Variants in MICAL3 observed in about 807,000 individuals in gnomAD.
The protein encoded by MICAL3 is microtubule associated monooxygenase, calponin and LIM domain containing 3, also known as [F-actin]-monooxygenase MICAL3.
MICAL3 carries 62 observed loss-of-function variants against 207.4 expected under a neutral mutation model. That is an observed-to-expected ratio of 0.30 (90% CI 0.24 to 0.37). The LOEUF is 0.37. Ranked by LOEUF, MICAL3 falls within the 10% of genes least tolerant of loss-of-function variation. The pLI, the probability that MICAL3 is intolerant of heterozygous loss-of-function variation, is 1.00. For missense variants in MICAL3, 2,368 were observed against 2,635.6 expected (o/e 0.90, Z 2.22); for synonymous variants, 1,077 against 1,069.3 (o/e 1.01, Z -0.14).
At chr22:17,947,949 T>C (rs904067808) in intron 1 of MICAL3, among the ~76,000 whole-genome samples, 7 of 151,900 alleles carry the variant, frequency 4.6e-5, no homozygotes, top group African/African-American at 1.7e-4. Flanking sequence ...CAGACAGACA[T>C]TATGTGTTTA....
rs371056361 is a variant in MICAL3, at chr22:17,818,389, G to T, written c.4272C>A (p.Ser1424Arg). ...TCCCGTGCAGGCCCAGGCCAGAGCT[G>T]CTGGACAGCTCCCTGCGCTCCTCCT... ...SAQEERRELS[S>R]SSGLGLHGSS... is the part of the protein sequence containing the mutation. Residue 1424 changes from serine (S) to arginine (R), a missense_variant, in exon 26 of 32, where the codon AGC becomes AGA. Physicochemically the swap from Ser to Arg is moderately radical, Grantham distance 110. Around this residue, in one of 4 missense-constraint regions of MICAL3, gnomAD observed 1,770 missense variants for 1,863.2 expected, o/e 0.95. Transcript: ENST00000441493. 4 of 1,609,794 alleles carry T rather than the reference G, an allele frequency of 2.5e-6. No homozygotes were observed. Among genetic ancestry groups the T allele is most frequent in the Non-Finnish European group, 2.5e-6 (3 of 1,179,468 alleles).
intron 21 of MICAL3, among the ~76,000 whole-genome samples, chr22:17,830,788 C>T (rs548950494): frequency 2.0e-5 from 3 of 152,210 alleles, no homozygotes; most frequent in African/African-American, 7.2e-5. Context: ...CCTTAGGGAG[C>T]CCGAGGAAGT....
Position 17,893,900 on chromosome 22 carries a change from C to A in MICAL3, c.1454G>T (p.Arg485Leu), listed in dbSNP as rs540846722. The A allele has an allele frequency of 1.3e-6, 2 of 1,552,874 alleles. No individual in the cohort carries two copies. The highest frequency in any genetic ancestry group is 1.7e-6 in the Non-Finnish European group (2 of 1,146,570). The change falls in exon 11 of 32, where the codon CGC becomes CTC. Residue 485 changes from arginine to leucine, a missense_variant. Arg to Leu is a moderately radical substitution (Grantham distance 102). This residue lies in a region of MICAL3 where 147 missense variants were observed against 137.7 expected (regional missense o/e 1.07). Transcript: ENST00000441493. Reference protein sequence around the residue: ...NVNFLRPSQVRHLYDTGETKD... With the variant: ...NVNFLRPSQVLHLYDTGETKD... Reference sequence around the variant, plus strand: ...TGTTTCGCCAGTATCATATAAATGGCGCACCTGGCAGAAATTTACAAAGTC... The same window carrying A: ...TGTTTCGCCAGTATCATATAAATGGAGCACCTGGCAGAAATTTACAAAGTC...
chr22:17,791,613 C>T (rs760003840), intron 29 of MICAL3: 51 of 386,172 alleles, frequency 1.3e-4, no homozygotes, highest in Non-Finnish European at 2.1e-4. Context: ...CATTGCTTTC[C>T]CTCTTTTTTG....
chr22:17,810,592 C>T (rs939923171), intron 28 of MICAL3, 111 bp downstream of exon 28: 1 of 854,314 alleles, frequency 1.2e-6, no homozygotes, highest in African/African-American at 1.7e-5. Flanking sequence ...GCCCGTCTAC[C>T]TCTGCTCTGC....
chr22:17,914,869 T>C (rs1483332856), intron 1 of MICAL3, among the ~76,000 whole-genome samples: 2 of 152,230 alleles, frequency 1.3e-5, no homozygotes, highest in Non-Finnish European at 2.9e-5. Context: ...GCAACGCCTA[T>C]GAGGAGTCAA....
intron 1 of MICAL3, among the ~76,000 whole-genome samples, chr22:17,961,534 C>T (rs536316705): frequency 3.7e-4 from 57 of 152,240 alleles, no homozygotes; most frequent in African/African-American, 1.3e-3. Flanking sequence ...CGAAGGGGCA[C>T]ATAGTCTCAC....
intron 17 of MICAL3, 113 bp from the exon 18 acceptor site, chr22:17,866,125 A>G: frequency 1.3e-6 from 1 of 770,836 alleles, no homozygotes. Context: ...AAGGCCATCA[A>G]GCCACCCAGC....
At position 17,799,779 on chromosome 22, in the gene MICAL3, T is replaced by C. The variant is rs566577647; in HGVS notation, c.5651-8478A>G. Among the ~76,000 whole-genome samples, 192 of 152,220 alleles carry C rather than the reference T, an allele frequency of 1.3e-3. 2 individuals are homozygous for C. Among genetic ancestry groups the C allele is most frequent in the African/African-American group, 4.3e-3 (180 of 41,524 alleles). Reference sequence around the variant, plus strand: ...CTGGTCCGGCAGGCCCAGTCTAGCATACACATAGTGGGGCTGGGAGACACC... The same window carrying C: ...CTGGTCCGGCAGGCCCAGTCTAGCACACACATAGTGGGGCTGGGAGACACC... On this transcript the variant is annotated intron_variant, in intron 29 of 31. Transcript: ENST00000441493.
Position 17,800,362 on chromosome 22 carries a change from G to C in MICAL3, c.5650+8482C>G, listed in dbSNP as rs2061925170. Among the ~76,000 whole-genome samples the C allele has an allele frequency of 1.3e-5, 2 of 152,120 alleles. 1 individual carries two copies. Among genetic ancestry groups the C allele is most frequent in the South Asian group, 4.1e-4 (2 of 4,826 alleles). ...TGTTCTAGTGCAATAAAGCAGGCTG[G>C]GCCGGCCTGTTCAGGGTCCCAGGGC... On this transcript the variant is annotated intron_variant, in intron 29 of 31. Coordinates refer to ENST00000441493, the MANE Select transcript of MICAL3 (RefSeq NM_015241.3).
Position 17,871,840 on chromosome 22 carries a change from C to T in MICAL3, c.2425G>A (p.Asp809Asn), listed in dbSNP as rs373733882. Residue 809 changes from aspartate to asparagine, a missense_variant, in exon 17 of 32, where the codon GAT (aspartate) becomes AAT (asparagine). This residue lies in a region of MICAL3 where 1,770 missense variants were observed against 1,863.2 expected (regional missense o/e 0.95). Coordinates refer to ENST00000441493, the MANE Select transcript of MICAL3 (RefSeq NM_015241.3). ...CCGGAGGCGCAGGGTGTCTCACCATCCTCGATGTCGTAGGCGTAGGCCGAG... is the reference window on the plus strand; with the variant it reads ...CCGGAGGCGCAGGGTGTCTCACCATTCTCGATGTCGTAGGCGTAGGCCGAG... ...RLSAYAYDIE[D>N]GKFYCKPHYC... is the part of the protein sequence containing the mutation. 1.2e-6 allele frequency: 2 copies of T among 1,602,818 alleles called. No individual in the cohort carries two copies.
rs764240760 is a variant in MICAL3, at chr22:17,827,678, C to T, written c.3159G>A (p.Arg1053=). ...THIREREEEE[R]MAPASESSAS... is the part of the protein sequence containing the mutation. ...CAGAGGACTCAGAGGCCGGCGCCAT[C>T]CTCTCTTCCTCCTCTCTCTCACGGA... Residue 1053 remains arginine, a synonymous_variant, in exon 22 of 32, where the codon AGG becomes AGA. Coordinates refer to ENST00000441493, the MANE Select transcript of MICAL3 (RefSeq NM_015241.3). 1.9e-6 allele frequency: 3 copies of T among 1,581,966 alleles called. No homozygotes were observed. The highest frequency in any genetic ancestry group is 2.7e-5 in the African/African-American group (2 of 74,138).
intron 19 of MICAL3, chr22:17,862,808 G>A: frequency 2.0e-6 from 2 of 985,514 alleles, no homozygotes; most frequent in South Asian, 9.4e-5. Flanking sequence ...AGCTGCCGGA[G>A]GGTAAGCCCC....
intron 19 of MICAL3, chr22:17,858,418 T>A: frequency 1.0e-6 from 1 of 978,006 alleles, no homozygotes; most frequent in Non-Finnish European, 1.2e-6. Context: ...GGTTTTTGAG[T>A]CTAAAGGAGG....
chr22:17,844,246 G>T (rs748488072), intron 19 of MICAL3, among the ~76,000 whole-genome samples: 16 of 152,160 alleles, frequency 1.1e-4, no homozygotes, highest in Non-Finnish European at 1.9e-4. Flanking sequence ...ACCGATTCCT[G>T]CAACATTCTA....
At chr22:17,883,337 C>T (rs1189366109) in intron 16 of MICAL3, among the ~76,000 whole-genome samples, 1 of 152,170 alleles carries the variant, frequency 6.6e-6, no homozygotes, top group Non-Finnish European at 1.5e-5. Context: ...GCTATATTAT[C>T]AAAGAATGGT....
rs140492024 is a variant in MICAL3 at position 17,995,283 on chromosome 22, C to A, written c.-75+28998G>T. Among the ~76,000 whole-genome samples the A allele has an allele frequency of 1.1e-4, 17 of 151,712 alleles. No individual in the cohort carries two copies. In the East Asian group the frequency reaches 3.1e-3, roughly 28 times the overall value. On this transcript the variant is annotated intron_variant, in intron 1 of 31. Transcript: ENST00000441493. ...CCTCAAACTCCTGGCCTCAAGTGAT[C>A]CTCCCACCTCAGCCTTCTGAGCAGC... is the stretch of plus-strand genomic sequence containing the variant.
chr22:17,888,324 C>T (rs1930105927), intron 13 of MICAL3, among the ~76,000 whole-genome samples: 1 of 152,170 alleles, frequency 6.6e-6, no homozygotes, highest in South Asian at 2.1e-4. Flanking sequence ...TACACTTACT[C>T]TAAGGGACAA....
chr22:17,929,265 ATT>A (rs71201889), intron 1 of MICAL3, among the ~76,000 whole-genome samples: 35,698 of 133,414 alleles, frequency 0.27, 5,082 homozygotes, highest in African/African-American at 0.37. Flanking sequence ...CGCCTGGCTA[ATT>A]TTTTTTTTTT....
Sources: gnomAD v4.1 joint callset for allele counts (sites outside exome capture counted in the v4.1 genomes callset) on GRCh38, gnomAD v4.1.1 for gene constraint, gnomAD v4.1.1 regional missense constraint, MANE v1.5 for transcripts, NCBI Gene and HGNC (gene_info 2026-07-23, HGNC 2026-07-21) for gene names.